MPPED2: variants seen among roughly 807,000 people sequenced by gnomAD.
MPPED2 encodes the protein metallophosphoesterase domain containing 2.
In MPPED2, 5 loss-of-function variants were observed where a neutral mutation model predicts 33.0. The ratio of observed to expected loss-of-function variants is 0.15; its 90% CI spans 0.08 to 0.32. MPPED2 has a LOEUF of 0.32. MPPED2 is among the 10% of genes least tolerant of loss of function. MPPED2 has a pLI of 1.00. For missense variants in MPPED2, 275 were observed against 372.1 expected, an observed-to-expected ratio of 0.74 and a Z score of 2.15; for synonymous variants, 136 against 141.9, an observed-to-expected ratio of 0.96 and a Z score of 0.29.
intron 4 of MPPED2, among the ~76,000 whole-genome samples, chr11:30,429,665 A>G (rs1012077200): frequency 3.9e-5 from 6 of 152,142 alleles, no homozygotes; most frequent in Admixed American, 2.0e-4. Context: ...TCTAAATGCA[A>G]TGTGAGGCAA....
intron 2 of MPPED2, among the ~76,000 whole-genome samples, chr11:30,577,006 ACAT>A (rs1485675034): frequency 2.0e-5 from 3 of 152,210 alleles, no homozygotes; most frequent in African/African-American, 7.2e-5. Flanking sequence ...GCTGTTTGAA[ACAT>A]CAGCTCTGAA....
chr11:30,474,278 G>T (rs192405574), intron 4 of MPPED2, among the ~76,000 whole-genome samples: 1 of 152,152 alleles, frequency 6.6e-6, no homozygotes, highest in African/African-American at 2.4e-5. Context: ...GGAAAAAGAG[G>T]TTGGAAGACA....
At chr11:30,522,560 A>G (rs1378025877) in intron 3 of MPPED2, among the ~76,000 whole-genome samples, 1 of 152,174 alleles carries the variant, frequency 6.6e-6, no homozygotes, top group East Asian at 1.9e-4. Context: ...AAAAATAATT[A>G]ATCAATGGAG....
intron 2 of MPPED2, among the ~76,000 whole-genome samples, chr11:30,567,541 A>T (rs1018539706): frequency 2.0e-5 from 3 of 151,946 alleles, no homozygotes; most frequent in African/African-American, 7.2e-5. Flanking sequence ...TTATTCTCAT[A>T]CTCAAACAGT....
chr11:30,481,974 T>A (rs1379940631), intron 4 of MPPED2, among the ~76,000 whole-genome samples: 1 of 152,140 alleles, frequency 6.6e-6, no homozygotes, highest in Non-Finnish European at 1.5e-5. Context: ...TATGTACATA[T>A]GTGCCAACCC....
chr11:30,478,230 G>T (rs914694310), intron 4 of MPPED2, among the ~76,000 whole-genome samples: 1 of 152,056 alleles, frequency 6.6e-6, no homozygotes, highest in Non-Finnish European at 1.5e-5. Flanking sequence ...TTATTTGCAG[G>T]AGACTTAGTT....
intron 4 of MPPED2, among the ~76,000 whole-genome samples, chr11:30,440,413 G>A (rs984519052): frequency 6.6e-6 from 1 of 152,104 alleles, no homozygotes; most frequent in African/African-American, 2.4e-5. Flanking sequence ...CACCGCAATG[G>A]CAGAGGTGAG....
In MPPED2 at chr11:30,586,118, G is replaced by C. The variant is rs553595009; in HGVS notation, c.-198C>G. ...CAGGCGATCCATAGCCGAGCGGCCC[G>C]AGCCGGCTGGAGGAGCGCTGGGGGC... On this transcript the variant is annotated 5_prime_UTR_variant, in exon 1 of 7. Coordinates refer to ENST00000358117, the MANE Select transcript of MPPED2 (RefSeq NM_001584.3). The surrounding 1 kb of genome is among the most constrained non-coding windows in gnomAD (Gnocchi z 4.8). 1 of 152,484 alleles carries C rather than the reference G, an allele frequency of 6.6e-6. No homozygotes were observed. The highest frequency in any genetic ancestry group is 2.4e-5 in the African/African-American group (1 of 41,572). The allele number at this position is 152,484 out of a possible 1,614,324, so 9.4% of individuals were successfully genotyped here.
intron 3 of MPPED2, among the ~76,000 whole-genome samples, chr11:30,521,111 G>A (rs753111945): frequency 5.9e-4 from 90 of 152,324 alleles, no homozygotes; most frequent in Middle Eastern, 3.4e-3. Context: ...AGGAATGCTA[G>A]AATAGTTAGC....
intron 2 of MPPED2, among the ~76,000 whole-genome samples, chr11:30,574,454 G>A (rs567601702): frequency 6.6e-5 from 10 of 152,138 alleles, no homozygotes; most frequent in Non-Finnish European, 1.3e-4. Context: ...GCACAAAGAC[G>A]AAATCGCCTA....
chr11:30,487,948 T>C (rs1009446979), intron 4 of MPPED2, among the ~76,000 whole-genome samples: 1 of 152,106 alleles, frequency 6.6e-6, no homozygotes, highest in Non-Finnish European at 1.5e-5. Flanking sequence ...CCAGGTCTTC[T>C]AAGATGAAAA....
At chr11:30,402,392 A>G (rs1309407713) in intron 6 of MPPED2, among the ~76,000 whole-genome samples, 2 of 152,216 alleles carry the variant, frequency 1.3e-5, no homozygotes, top group South Asian at 2.1e-4. Flanking sequence ...ACATCCTCAC[A>G]AAAGTCTCTT....
At chr11:30,434,664 A>G (rs1292841542) in intron 4 of MPPED2, among the ~76,000 whole-genome samples, 1 of 152,214 alleles carries the variant, frequency 6.6e-6, no homozygotes, top group African/African-American at 2.4e-5. Context: ...CTCCAATAAT[A>G]ATAGTGATAT....
intron 4 of MPPED2, among the ~76,000 whole-genome samples, chr11:30,475,407 T>G (rs1437573367): frequency 6.6e-6 from 1 of 152,114 alleles, no homozygotes; most frequent in African/African-American, 2.4e-5. Context: ...TACCAATCAT[T>G]TTTTTCACCC....
At chr11:30,558,232 G>A (rs1203779855) in intron 2 of MPPED2, among the ~76,000 whole-genome samples, 1 of 151,948 alleles carries the variant, frequency 6.6e-6, no homozygotes, top group Admixed American at 6.6e-5. Flanking sequence ...TGGCTGAGTG[G>A]TTTATAGTCA....
chr11:30,560,948 T>A (rs1231030380), intron 2 of MPPED2, among the ~76,000 whole-genome samples: 1 of 152,202 alleles, frequency 6.6e-6, no homozygotes, highest in South Asian at 2.1e-4. Flanking sequence ...GTTGACCCAA[T>A]ATGCTTAACA....
chr11:30,554,897 T>A (rs1443701364), intron 2 of MPPED2, among the ~76,000 whole-genome samples: 1 of 152,182 alleles, frequency 6.6e-6, no homozygotes, highest in East Asian at 1.9e-4. Context: ...AGTACACTGC[T>A]CATTGTGATT....
intron 4 of MPPED2, among the ~76,000 whole-genome samples, chr11:30,461,363 T>C (rs1180228962): frequency 6.6e-6 from 1 of 152,128 alleles, no homozygotes. Context: ...TAGTTAAAAA[T>C]GGTAAATTTT....
intron 2 of MPPED2, among the ~76,000 whole-genome samples, chr11:30,551,800 A>G (rs1281587853): frequency 6.6e-6 from 1 of 152,226 alleles, no homozygotes; most frequent in Non-Finnish European, 1.5e-5. Flanking sequence ...AATATGGGCA[A>G]GTTACTCAAC....
Sources: allele counts gnomAD v4.1 joint callset (sites outside exome capture counted in the v4.1 genomes callset), GRCh38; gene constraint gnomAD v4.1.1; non-coding constraint Gnocchi (gnomAD v3.1); transcripts MANE v1.5; gene names NCBI Gene and HGNC (gene_info 2026-07-23, HGNC 2026-07-21).